MMP24: variants seen among roughly 807,000 people sequenced by gnomAD.
MMP24 encodes the protein matrix metallopeptidase 24, also known as matrix metalloproteinase-24.
In MMP24, 25 loss-of-function variants were observed where a neutral mutation model predicts 62.8. The observed-to-expected ratio is 0.40, with a 90% CI of 0.29 to 0.56. The LOEUF is 0.56. Ranked by LOEUF, MMP24 falls within the 20% of genes least tolerant of loss-of-function variation. MMP24 has a pLI of 0.50. For missense variants in MMP24, 634 were observed against 853.6 expected (o/e 0.74, Z 3.21); for synonymous variants, 319 against 350.5 (o/e 0.91, Z 1.00).
At chr20:35,243,622 A>AAGG (rs963358553) in intron 1 of MMP24, among the ~76,000 whole-genome samples, 5 of 151,768 alleles carry the variant, frequency 3.3e-5, no homozygotes, top group African/African-American at 7.2e-5. Flanking sequence ...GGAGGAGGAG[A>AAGG]AGGAGGAGGA....
intron 1 of MMP24, among the ~76,000 whole-genome samples, chr20:35,240,372 G>C (rs2060483691): frequency 1.3e-5 from 2 of 151,842 alleles, no homozygotes; most frequent in South Asian, 4.2e-4. Context: ...GTCTCTGCTT[G>C]CACTCTGAGA....
chr20:35,260,667 C>T (rs953422622), intron 4 of MMP24, among the ~76,000 whole-genome samples: 1 of 152,260 alleles, frequency 6.6e-6, no homozygotes. Context: ...GAGCTGGGGG[C>T]GGCCTGGCCC....
chr20:35,270,811 TGGCA>T (rs1448470739), intron 7 of MMP24, among the ~76,000 whole-genome samples: 1 of 152,166 alleles, frequency 6.6e-6, no homozygotes, highest in Non-Finnish European at 1.5e-5. Flanking sequence ...AGGCCAAGGC[TGGCA>T]GATCACCTGA....
At chr20:35,247,807 T>C (rs1379997211) in intron 2 of MMP24, among the ~76,000 whole-genome samples, 1 of 152,120 alleles carries the variant, frequency 6.6e-6, no homozygotes, top group East Asian at 1.9e-4. Context: ...AAAGAGCTTG[T>C]TGTTAACCTC....
intron 4 of MMP24, chr20:35,256,074 G>A (rs2060573083): frequency 6.6e-6 from 1 of 152,104 alleles, no homozygotes; most frequent in Admixed American, 6.6e-5. Context: ...ATAATTAGTG[G>A]GTATGCTGGT....
rs369371362 is a variant in MMP24, at chr20:35,230,509, G to C, written c.246+3525G>C. Among the ~76,000 whole-genome samples the C allele has an allele frequency of 3.3e-5, 5 of 152,282 alleles. No individual in the cohort carries two copies. The East Asian group carries it at 7.7e-4, about 23-fold the overall frequency. Reference sequence around the variant, plus strand: ...TGAAATAGGCACTCATGGGCATGGGGCTCCAAGCCCCCTTCTAAAACCCTT... The same window carrying C: ...TGAAATAGGCACTCATGGGCATGGGCCTCCAAGCCCCCTTCTAAAACCCTT... On this transcript the variant is annotated intron_variant, in intron 1 of 8. Coordinates refer to ENST00000246186, the MANE Select transcript of MMP24 (RefSeq NM_006690.4).
At chr20:35,273,969 T>C (rs777647518) in intron 8 of MMP24, among the ~76,000 whole-genome samples, 2 of 152,162 alleles carry the variant, frequency 1.3e-5, no homozygotes, top group African/African-American at 2.4e-5. Context: ...GTGACAGAGC[T>C]GTGACCCAGG....
intron 1 of MMP24, among the ~76,000 whole-genome samples, chr20:35,231,557 A>G (rs1600769994): frequency 6.6e-6 from 1 of 152,048 alleles, no homozygotes; most frequent in South Asian, 2.1e-4. Context: ...GTGGGGTTTC[A>G]TATTACTTTA....
intron 5 of MMP24, among the ~76,000 whole-genome samples, chr20:35,266,489 C>T (rs980118972): frequency 3.3e-5 from 5 of 151,778 alleles, no homozygotes; most frequent in African/African-American, 1.2e-4. Flanking sequence ...AATGTAGAGA[C>T]GGAAGAGAAG....
chr20:35,265,069 CAACA>C (rs1421892885), intron 5 of MMP24, among the ~76,000 whole-genome samples: 1 of 152,160 alleles, frequency 6.6e-6, no homozygotes, highest in African/African-American at 2.4e-5. Context: ...AAAGGTAGAA[CAACA>C]GGATCTGCTG....
At chr20:35,248,767 C>A (rs1281942616) in intron 2 of MMP24, among the ~76,000 whole-genome samples, 1 of 152,150 alleles carries the variant, frequency 6.6e-6, no homozygotes, top group East Asian at 1.9e-4. Flanking sequence ...GACTCCTTGG[C>A]CCCGTGGTCT....
At chr20:35,233,836 G>A (rs1218901534) in intron 1 of MMP24, among the ~76,000 whole-genome samples, 2 of 152,034 alleles carry the variant, frequency 1.3e-5, no homozygotes, top group African/African-American at 2.4e-5. Flanking sequence ...AATACAAAGA[G>A]TAGCTGGGTG....
chr20:35,265,113 G>A (rs1430875034), intron 5 of MMP24, among the ~76,000 whole-genome samples: 4 of 152,196 alleles, frequency 2.6e-5, no homozygotes, highest in African/African-American at 9.7e-5. Context: ...AGAGGAAGGA[G>A]GGAGGGTCAA....
chr20:35,270,371 G>A (rs556281539), intron 7 of MMP24, among the ~76,000 whole-genome samples: 130 of 152,352 alleles, frequency 8.5e-4, no homozygotes, highest in Non-Finnish European at 1.6e-3. Context: ...GAGGGACAAC[G>A]GCTGAATAAA....
At chr20:35,265,434 T>C (rs1185394793) in intron 5 of MMP24, among the ~76,000 whole-genome samples, 3 of 148,130 alleles carry the variant, frequency 2.0e-5, no homozygotes, top group Non-Finnish European at 4.4e-5. Flanking sequence ...AGAGTGAGAC[T>C]CCGTCTCAAA....
chr20:35,249,198 T>C (rs1024660479), intron 2 of MMP24, among the ~76,000 whole-genome samples: 2 of 152,314 alleles, frequency 1.3e-5, no homozygotes, highest in African/African-American at 4.8e-5. Context: ...CCTTGGGCAA[T>C]GGCTGCCTTT....
rs1200868074 is a variant in MMP24, at chr20:35,254,754, G to A, written c.817G>A (p.Gly273Arg). Reference protein sequence around the residue: ...PWTLGNANHDGNDLFLVAVHE... With the variant: ...PWTLGNANHDRNDLFLVAVHE... Reference sequence around the variant, plus strand: ...GACGCTAGGAAATGCCAACCATGACGGTAAGGCCATGAGGGGACAGGGGTC... The same window carrying A: ...GACGCTAGGAAATGCCAACCATGACAGTAAGGCCATGAGGGGACAGGGGTC... Residue 273 changes from glycine to arginine, a missense_variant and splice_region_variant, in exon 4 of 9, where the codon GGG becomes AGG. Coordinates refer to ENST00000246186, the MANE Select transcript of MMP24 (RefSeq NM_006690.4). 1.9e-6 allele frequency: 3 copies of A among 1,609,206 alleles called. No individual in the cohort carries two copies. The highest frequency in any genetic ancestry group is 1.7e-5 in the Admixed American group (1 of 59,782).
intron 5 of MMP24, among the ~76,000 whole-genome samples, chr20:35,265,415 C>T (rs988125866): frequency 4.6e-5 from 7 of 150,868 alleles, no homozygotes; most frequent in African/African-American, 1.7e-4. Flanking sequence ...GCACTCCAGC[C>T]TAGGCGACAG....
intron 1 of MMP24, among the ~76,000 whole-genome samples, chr20:35,244,720 A>G (rs111985477): frequency 0.052 from 7,930 of 152,224 alleles, 676 homozygotes; most frequent in African/African-American, 0.18. Context: ...GATTACAGGC[A>G]TGAGCCACCG....
Sources: allele counts gnomAD v4.1 joint callset (sites outside exome capture counted in the v4.1 genomes callset), GRCh38; gene constraint gnomAD v4.1.1; transcripts MANE v1.5; gene names NCBI Gene and HGNC (gene_info 2026-07-23, HGNC 2026-07-21).